Variants in CCDC91 observed in about 807,000 individuals in gnomAD.
CCDC91 encodes the protein coiled-coil domain-containing protein 91.
A neutral mutation model predicts 63.2 loss-of-function variants in CCDC91; 48 were observed. That is an observed-to-expected ratio of 0.76 (90% confidence interval 0.60 to 0.97). The LOEUF is 0.97. CCDC91 is among the 50% of genes least tolerant of loss of function. The pLI, the probability that CCDC91 is intolerant of heterozygous loss-of-function variation, is 0.00. For missense variants in CCDC91, 500 were observed against 494.6 expected (o/e 1.01, Z -0.10); for synonymous variants, 167 against 165.8 (o/e 1.01, Z -0.06).
chr12:28,197,690 G>A (rs745959537), intron 1 of CCDC91, among the ~76,000 whole-genome samples: 6 of 151,996 alleles, frequency 3.9e-5, no homozygotes, highest in Non-Finnish European at 7.4e-5. Context: ...TATATATTAT[G>A]TTTATTTTGA....
chr12:28,424,497 CTT>C (rs1311468927), intron 8 of CCDC91, among the ~76,000 whole-genome samples: 3 of 152,114 alleles, frequency 2.0e-5, no homozygotes, highest in African/African-American at 7.2e-5. Flanking sequence ...ATTTTTTACT[CTT>C]TGAATAAATG....
At position 28,503,242 on chromosome 12, in the gene CCDC91, A is replaced by G. The variant is rs182465360; in HGVS notation, c.1215+19077A>G. Among the ~76,000 whole-genome samples, 4 of 152,340 alleles carry G rather than the reference A, an allele frequency of 2.6e-5. No individual in the cohort carries two copies. In the East Asian group the frequency reaches 7.7e-4, roughly 29 times the overall value. Reference sequence around the variant, plus strand: ...GAACTCCAACAAATTTACAAGAAAAAAAACAAACAACCCCATCAAAAAGTG... The same window carrying G: ...GAACTCCAACAAATTTACAAGAAAAGAAACAAACAACCCCATCAAAAAGTG... On this transcript the variant is annotated intron_variant, in intron 12 of 12. Coordinates refer to ENST00000536442, the MANE Select transcript of CCDC91 (RefSeq NM_018318.5).
chr12:28,502,185 A>G (rs1177050237), intron 12 of CCDC91, among the ~76,000 whole-genome samples: 2 of 151,818 alleles, frequency 1.3e-5, no homozygotes, highest in Admixed American at 6.6e-5. Context: ...AGAAAACCCC[A>G]TTGTCTCAGC....
intron 12 of CCDC91, among the ~76,000 whole-genome samples, chr12:28,524,903 T>C (rs1941120979): frequency 6.6e-6 from 1 of 152,172 alleles, no homozygotes; most frequent in Non-Finnish European, 1.5e-5. Flanking sequence ...CATAGTAGCT[T>C]TGAATGATGT....
chr12:28,391,159 T>G (rs1480562068), intron 7 of CCDC91, 145 bp from the exon 8 acceptor site: 1 of 514,754 alleles, frequency 1.9e-6, no homozygotes, highest in Non-Finnish European at 3.5e-6. Context: ...TATATATAAA[T>G]GTGCTTCAGT....
intron 1 of CCDC91, among the ~76,000 whole-genome samples, chr12:28,239,756 A>G (rs1293930024): frequency 1.3e-5 from 2 of 152,198 alleles, no homozygotes; most frequent in Admixed American, 1.3e-4. Flanking sequence ...GCTGTTACTT[A>G]GAACTATAGA....
intron 12 of CCDC91, among the ~76,000 whole-genome samples, chr12:28,485,844 C>A (rs1279301674): frequency 6.6e-6 from 1 of 152,104 alleles, no homozygotes; most frequent in Non-Finnish European, 1.5e-5. Flanking sequence ...AGTAATCATG[C>A]AGCAAAGGAA....
At chr12:28,274,924 G>A (rs1565714824) in intron 3 of CCDC91, among the ~76,000 whole-genome samples, 1 of 151,934 alleles carries the variant, frequency 6.6e-6, no homozygotes, top group Non-Finnish European at 1.5e-5. Flanking sequence ...AAACCAACGA[G>A]AACAAAGACA....
chr12:28,402,640 C>CT (rs974764692), intron 8 of CCDC91, among the ~76,000 whole-genome samples: 2 of 146,388 alleles, frequency 1.4e-5, no homozygotes, highest in Non-Finnish European at 3.0e-5. Flanking sequence ...CTTTTATTTC[C>CT]TTTTTTTGTA....
chr12:28,539,014 G>A (rs566087585), intron 12 of CCDC91, among the ~76,000 whole-genome samples: 1 of 152,172 alleles, frequency 6.6e-6, no homozygotes, highest in African/African-American at 2.4e-5. Context: ...TTAGCCCTTT[G>A]TCAGATGAGT....
intron 12 of CCDC91, among the ~76,000 whole-genome samples, chr12:28,530,845 T>TG (rs1281313506): frequency 6.6e-6 from 1 of 152,076 alleles, no homozygotes; most frequent in Non-Finnish European, 1.5e-5. Flanking sequence ...TTGAGTGCTG[T>TG]GGTTTGAATG....
At chr12:28,478,625 A>G (rs1278297129) in intron 11 of CCDC91, among the ~76,000 whole-genome samples, 1 of 152,184 alleles carries the variant, frequency 6.6e-6, no homozygotes, top group Non-Finnish European at 1.5e-5. Flanking sequence ...ATCTAATTAA[A>G]CTAAAGAGCT....
intron 12 of CCDC91, among the ~76,000 whole-genome samples, chr12:28,492,286 G>A (rs1311828051): frequency 2.0e-5 from 3 of 151,408 alleles, no homozygotes; most frequent in South Asian, 4.2e-4. Flanking sequence ...TAGGCTACAA[G>A]GACAAATAAA....
chr12:28,253,593 G>T (rs913042491), intron 1 of CCDC91, among the ~76,000 whole-genome samples: 1 of 152,168 alleles, frequency 6.6e-6, no homozygotes, highest in African/African-American at 2.4e-5. Flanking sequence ...GTATTCATAA[G>T]TGTGATTCTC....
At chr12:28,353,813 A>T (rs764210177) in intron 6 of CCDC91, among the ~76,000 whole-genome samples, 3 of 152,194 alleles carry the variant, frequency 2.0e-5, no homozygotes, top group Non-Finnish European at 4.4e-5. Context: ...AAGATTTGAC[A>T]CAGAGACACA....
intron 12 of CCDC91, among the ~76,000 whole-genome samples, chr12:28,489,299 T>G (rs1236733114): frequency 6.6e-6 from 1 of 151,942 alleles, no homozygotes; most frequent in East Asian, 1.9e-4. Context: ...TATCTGATCA[T>G]TAGTGCCATA....
chr12:28,425,661 C>A (rs1273497809), intron 8 of CCDC91, among the ~76,000 whole-genome samples: 1 of 152,186 alleles, frequency 6.6e-6, no homozygotes, highest in Non-Finnish European at 1.5e-5. Context: ...TTTACTCTGA[C>A]ACCTGACACT....
intron 6 of CCDC91, among the ~76,000 whole-genome samples, chr12:28,318,498 A>G (rs1402231533): frequency 6.6e-6 from 1 of 151,962 alleles, no homozygotes; most frequent in Non-Finnish European, 1.5e-5. Context: ...CTATGATTGC[A>G]CCACTGTACT....
Position 28,348,608 on chromosome 12 carries a change from CTT to C in CCDC91, c.577-13829_577-13828del, listed in dbSNP as rs1236115171. 1.2e-4 allele frequency among the ~76,000 whole-genome samples: 18 copies of C among 152,294 alleles called. No homozygotes were observed. The East Asian group carries it at 3.5e-3, about 29-fold the overall frequency. ...GATGTGTTACTGTTTTGTTTTCTCT[CTT>C]CTTTCTGTAACAACTATTGTTTGGT... On this transcript the variant is annotated intron_variant, in intron 6 of 12. Coordinates refer to ENST00000536442, the MANE Select transcript of CCDC91 (RefSeq NM_018318.5).
Sources: allele counts gnomAD v4.1 joint callset (sites outside exome capture counted in the v4.1 genomes callset), GRCh38; gene constraint gnomAD v4.1.1; transcripts MANE v1.5; gene names NCBI Gene and HGNC (gene_info 2026-07-23, HGNC 2026-07-21).